The following MMRN1 variants were observed in gnomAD, a reference collection of about 807,000 sequenced individuals.
The protein encoded by MMRN1 is multimerin-1.
Under a neutral mutation model 100.7 loss-of-function variants are expected in MMRN1, and 94 were observed. The ratio of observed to expected loss-of-function variants is 0.93; its 90% CI spans 0.79 to 1.11. The LOEUF is 1.11. MMRN1 is among the 50% of genes least tolerant of loss of function. The probability of loss-of-function intolerance (pLI) is 0.00; values close to 1 mark genes in which losing one functional copy is unlikely to be tolerated. For missense variants in MMRN1, 1,606 were observed against 1,439.1 expected, an observed-to-expected ratio of 1.12 and a Z score of -1.88; for synonymous variants, 575 against 505.0, an observed-to-expected ratio of 1.14 and a Z score of -1.86.
chr4:89,935,969 T>C lies in MMRN1; in HGVS notation c.2289T>C (p.His763=). The change falls in exon 6 of 8, where the codon CAT becomes CAC. Residue 763 remains histidine, a synonymous_variant. Transcript: ENST00000264790. ...TTAAGGATAATAGTGAGATCCATCA[T>C]AAATGTACCTCCGATATGGAAACTA... ...STIKDNSEIH[H]KCTSDMETIL... is the part of the protein sequence containing the mutation. 6.2e-7 allele frequency: 1 copy of C among 1,612,504 alleles called. No homozygotes were observed. Among genetic ancestry groups the C allele is most frequent in the Non-Finnish European group, 8.5e-7 (1 of 1,178,904 alleles).
chr4:89,898,341 T>A (rs1167948871), intron 1 of MMRN1, among the ~76,000 whole-genome samples: 1 of 152,048 alleles, frequency 6.6e-6, no homozygotes, highest in African/African-American at 2.4e-5. Flanking sequence ...ACAGAGGGAT[T>A]AAGTAGCTTA....
At chr4:89,938,978 A>T (rs1043556021) in intron 6 of MMRN1, among the ~76,000 whole-genome samples, 99 of 152,190 alleles carry the variant, frequency 6.5e-4, no homozygotes, top group African/African-American at 2.3e-3. Flanking sequence ...GTGGTTGCAT[A>T]GGTTTGCATG....
chr4:89,891,940 A>G (rs1721064608), upstream of MMRN1, among the ~76,000 whole-genome samples: 1 of 152,030 alleles, frequency 6.6e-6, no homozygotes, highest in Non-Finnish European at 1.5e-5. Context: ...AATGCTTTGA[A>G]TAGTACACAG....
chr4:89,930,183 G>A (rs1453202735), intron 5 of MMRN1, among the ~76,000 whole-genome samples: 58 of 152,108 alleles, frequency 3.8e-4, no homozygotes, highest in Admixed American at 3.8e-3. Context: ...TCAGATTCTT[G>A]TACAGATGCT....
chr4:89,889,235 C>T (rs950292539), intron 1 of MMRN1, among the ~76,000 whole-genome samples: 1 of 152,114 alleles, frequency 6.6e-6, no homozygotes, highest in Non-Finnish European at 1.5e-5. Context: ...TGAGCACAGG[C>T]AAAGCTCTGG....
intron 5 of MMRN1, among the ~76,000 whole-genome samples, chr4:89,930,064 T>C (rs907511961): frequency 4.6e-5 from 7 of 152,164 alleles, no homozygotes; most frequent in African/African-American, 1.7e-4. Flanking sequence ...TGTAATATGC[T>C]TCTAAGAAAG....
intron 1 of MMRN1, among the ~76,000 whole-genome samples, chr4:89,908,905 T>G (rs1312942059): frequency 6.6e-6 from 1 of 151,432 alleles, no homozygotes; most frequent in African/African-American, 2.4e-5. Context: ...TATGCTTTAC[T>G]GCACATAATT....
intron 5 of MMRN1, among the ~76,000 whole-genome samples, chr4:89,932,534 C>A (rs933942362): frequency 6.6e-6 from 1 of 152,204 alleles, no homozygotes; most frequent in African/African-American, 2.4e-5. Context: ...GAAGGCTGTG[C>A]CCCTGCCTGC....
upstream of MMRN1, among the ~76,000 whole-genome samples, chr4:89,891,863 T>C (rs530251911): frequency 8.5e-5 from 13 of 152,148 alleles, no homozygotes; most frequent in Non-Finnish European, 1.3e-4. Context: ...TGAAAAATCC[T>C]ATTAATCTGG....
intron 1 of MMRN1, among the ~76,000 whole-genome samples, chr4:89,902,548 T>C (rs1030846471): frequency 6.6e-6 from 1 of 152,006 alleles, no homozygotes; most frequent in Non-Finnish European, 1.5e-5. Flanking sequence ...GGCCATACAT[T>C]CGGCTCGTTC....
In MMRN1 at chr4:89,923,261, G is replaced by C; in HGVS notation, c.944G>C (p.Cys315Ser). Residue 315 changes from cysteine (C) to serine (S), a missense_variant, in exon 4 of 8, where the codon TGT becomes TCT. Cys to Ser is a moderately radical substitution (Grantham distance 112, BLOSUM62 -1). Transcript: ENST00000264790. ...GCTGAGCAGCAGCAGCAGCAAGGCT[G>C]TGGTGACCCAGGTCATAGATTGTAA... ...GVAEQQQQQG[C>S]GDPEVMQKMT... 1 of 1,613,766 alleles carries C rather than the reference G, an allele frequency of 6.2e-7. No individual in the cohort carries two copies.
At position 89,953,243 on chromosome 4, in the gene MMRN1, C is replaced by T. The variant is rs761879211; in HGVS notation, c.3512C>T (p.Ala1171Val). Residue 1171 changes from alanine (A) to valine (V), a missense_variant, in exon 8 of 8, where the codon GCA becomes GTA. Physicochemically the swap from Ala to Val is moderately conservative, Grantham distance 64. Coordinates refer to ENST00000264790, the MANE Select transcript of MMRN1 (RefSeq NM_007351.3). ...GTGGTTGATGGAATAGACAAGCTTG[C>T]ATTTGAGTCTGAAAATATTAACAGT... is the stretch of plus-strand genomic sequence containing the variant. Reference protein sequence around the residue: ...FLVVDGIDKLAFESENINSEI... With the variant: ...FLVVDGIDKLVFESENINSEI... The T allele has an allele frequency of 5.6e-6, 9 of 1,613,662 alleles. No individual in the cohort carries two copies. Among genetic ancestry groups the T allele is most frequent in the Non-Finnish European group, 7.6e-6 (9 of 1,179,838 alleles).
chr4:89,907,615 T>C (rs1480344140), intron 1 of MMRN1, among the ~76,000 whole-genome samples: 2 of 151,384 alleles, frequency 1.3e-5, no homozygotes, highest in African/African-American at 2.4e-5. Context: ...CTCATTTATG[T>C]TTTTGAATTT....
intron 1 of MMRN1, among the ~76,000 whole-genome samples, chr4:89,882,263 T>C (rs1261550787): frequency 1.3e-5 from 2 of 151,284 alleles, no homozygotes; most frequent in African/African-American, 4.8e-5. Flanking sequence ...TTCCTAATAT[T>C]GAAACATTTC....
intron 3 of MMRN1, among the ~76,000 whole-genome samples, chr4:89,919,486 T>C (rs1393329788): frequency 2.0e-5 from 3 of 151,762 alleles, no homozygotes; most frequent in Admixed American, 2.0e-4. Flanking sequence ...GAATCCAACG[T>C]TTACCTAGCA....
rs768007982 is a variant in MMRN1 at position 89,895,421 on chromosome 4, T to C, written c.450T>C (p.Asn150=). The C allele has an allele frequency of 6.2e-7, 1 of 1,613,888 alleles. No individual in the cohort carries two copies. The highest frequency in any genetic ancestry group is 8.5e-7 in the Non-Finnish European group (1 of 1,179,924). Residue 150 remains asparagine (N), a synonymous_variant, in exon 1 of 8, where the codon AAT becomes AAC. Transcript: ENST00000264790. ...TTCAGAGCTTTGCCAGAAAGTCAAA[T>C]GAACAAGCAACTTCTCTAAACACAG... ...KFLQSFARKS[N]EQATSLNTVG... is the part of the protein sequence containing the mutation.
At position 89,935,180 on chromosome 4, in the gene MMRN1, T is replaced by A; in HGVS notation, c.1500T>A (p.Ile500=). The A allele has an allele frequency of 6.2e-7, 1 of 1,613,362 alleles. No homozygotes were observed. The highest frequency in any genetic ancestry group is 8.5e-7 in the Non-Finnish European group (1 of 1,179,682). Residue 500 remains isoleucine (I), a synonymous_variant, in exon 6 of 8, where the codon ATT becomes ATA. Coordinates refer to ENST00000264790, the MANE Select transcript of MMRN1 (RefSeq NM_007351.3). ...GALEQEHSRS[I]LYYESLNKTL... ...TAGAACAGGAACACTCAAGAAGCAT[T>A]CTGTATTATGAATCCCTCAATAAAA...
Position 89,936,597 on chromosome 4 carries a change from A to AT in MMRN1, c.2918dup (p.Thr975AsnfsTer7), listed in dbSNP as rs762584496. 3.7e-6 allele frequency: 6 copies of AT among 1,611,834 alleles called. 1 individual carries two copies. Among genetic ancestry groups the AT allele is most frequent in the South Asian group, 3.3e-5 (3 of 90,480 alleles). ...AGAATTTGTGGAACCAATAATTCAA[A>AT]TAAAAACTCAAGCTGCCCTATCTAA... is the stretch of plus-strand genomic sequence containing the variant. On this transcript the variant is annotated frameshift_variant, in exon 6 of 8. Coordinates refer to ENST00000264790, the MANE Select transcript of MMRN1 (RefSeq NM_007351.3). LOFTEE classifies it high-confidence loss of function.
intron 3 of MMRN1, among the ~76,000 whole-genome samples, chr4:89,921,301 A>G (rs895733629): frequency 6.6e-6 from 1 of 152,128 alleles, no homozygotes; most frequent in South Asian, 2.1e-4. Context: ...AAATTAATAG[A>G]TCTAAGGTGG....
Sources: allele counts gnomAD v4.1 joint callset (sites outside exome capture counted in the v4.1 genomes callset), GRCh38; gene constraint gnomAD v4.1.1; transcripts MANE v1.5; gene names NCBI Gene and HGNC (gene_info 2026-07-23, HGNC 2026-07-21).